Variants in EYA4 observed in about 807,000 individuals in gnomAD.
EYA4 encodes protein phosphatase EYA4.
A neutral mutation model predicts 87.9 loss-of-function variants in EYA4; 31 were observed. The observed-to-expected ratio is 0.35, with a 90% CI of 0.27 to 0.48. The LOEUF (loss-of-function observed/expected upper bound fraction) is 0.48, where lower values mean the gene tolerates loss of function less well. Among genes scored for constraint, EYA4 ranks in the 20% least tolerant of loss-of-function variants. The pLI is 0.99. For missense variants in EYA4, 678 were observed against 761.4 expected, an observed-to-expected ratio of 0.89 and a Z score of 1.29; for synonymous variants, 263 against 270.6, an observed-to-expected ratio of 0.97 and a Z score of 0.28.
chr6:133,304,475 C>T (rs1188501201), intron 2 of EYA4, among the ~76,000 whole-genome samples: 2 of 152,116 alleles, frequency 1.3e-5, no homozygotes, highest in African/African-American at 4.8e-5. Context: ...AAAATTTAGA[C>T]TGAAGGGCTG....
At chr6:133,372,982 C>T (rs545212378) in intron 2 of EYA4, among the ~76,000 whole-genome samples, 120 of 151,958 alleles carry the variant, frequency 7.9e-4, no homozygotes, top group African/African-American at 2.5e-3. Flanking sequence ...CAGACATACG[C>T]ACACAGATAA....
At chr6:133,523,590 G>GA (rs1165457108) in intron 18 of EYA4, among the ~76,000 whole-genome samples, 2 of 151,946 alleles carry the variant, frequency 1.3e-5, no homozygotes, top group Non-Finnish European at 2.9e-5. Context: ...CTTAATTACA[G>GA]AAAAAAATTA....
At chr6:133,486,976 G>A (rs893792003) in intron 13 of EYA4, among the ~76,000 whole-genome samples, 1 of 151,966 alleles carries the variant, frequency 6.6e-6, no homozygotes, top group Non-Finnish European at 1.5e-5. Context: ...TACTGAAGGA[G>A]GCACTGAAGA....
chr6:133,439,345 T>G (rs564204226), intron 3 of EYA4: 1 of 152,350 alleles, frequency 6.6e-6, no homozygotes, highest in South Asian at 2.1e-4. Context: ...ATTTCACAGC[T>G]GTTTCTAAGA....
intron 13 of EYA4, among the ~76,000 whole-genome samples, chr6:133,491,735 A>C (rs1040574230): frequency 2.6e-5 from 4 of 151,990 alleles, no homozygotes; most frequent in Admixed American, 1.3e-4. Flanking sequence ...GCAGATCACG[A>C]GGTCAGGAGA....
rs1239001398 is a variant in EYA4, at chr6:133,274,613, A to G, written c.-65-103A>G. 13 of 640,768 alleles carry G rather than the reference A, an allele frequency of 2.0e-5. No homozygotes were observed. In the Middle Eastern group the frequency reaches 8.5e-4, roughly 42 times the overall value. The allele number at this position is 640,768 out of a possible 1,614,324, so 39.7% of individuals were successfully genotyped here. A position where few individuals can be genotyped will look rare whatever the true frequency, so the allele number is the denominator to read the frequency against. ...ATTTTCTTCTTGAGAGAATGCTCCT[A>G]CAAGTTACTAATTACCATGCTATGT... On this transcript the variant is annotated intron_variant, in intron 1 of 19. Coordinates refer to ENST00000355286, the MANE Select transcript of EYA4 (RefSeq NM_004100.5).
At chr6:133,339,977 A>G (rs1439793482) in intron 2 of EYA4, among the ~76,000 whole-genome samples, 1 of 152,286 alleles carries the variant, frequency 6.6e-6, no homozygotes, top group Admixed American at 6.5e-5. Flanking sequence ...AAAAACAACA[A>G]GTAGGTTTGG....
chr6:133,355,644 G>A (rs570939754), intron 2 of EYA4, among the ~76,000 whole-genome samples: 4 of 152,272 alleles, frequency 2.6e-5, no homozygotes, highest in African/African-American at 9.6e-5. Context: ...TGTCCTCATT[G>A]ATTGCTATAT....
chr6:133,387,932 G>A (rs746430539), intron 3 of EYA4, among the ~76,000 whole-genome samples: 11 of 152,142 alleles, frequency 7.2e-5, no homozygotes, highest in Non-Finnish European at 1.6e-4. Flanking sequence ...GATTCCTGCA[G>A]ATATGGATGC....
intron 6 of EYA4, among the ~76,000 whole-genome samples, chr6:133,457,189 G>A (rs940031354): frequency 1.3e-5 from 2 of 152,096 alleles, no homozygotes; most frequent in South Asian, 2.1e-4. Context: ...GAGAGCGCTC[G>A]AATGCTTCAA....
At chr6:133,503,533 T>G (rs1798320364) in intron 13 of EYA4, among the ~76,000 whole-genome samples, 1 of 152,186 alleles carries the variant, frequency 6.6e-6, no homozygotes, top group Non-Finnish European at 1.5e-5. Flanking sequence ...TTTATTGTCT[T>G]GCATCAGTGA....
chr6:133,249,109 A>G (rs1213635821), intron 1 of EYA4, among the ~76,000 whole-genome samples: 3 of 152,142 alleles, frequency 2.0e-5, no homozygotes, highest in Non-Finnish European at 4.4e-5. Flanking sequence ...GCAAAATTAG[A>G]GTGGGATGGA....
chr6:133,511,969 A>C (rs1799186526), intron 14 of EYA4, among the ~76,000 whole-genome samples: 1 of 146,132 alleles, frequency 6.8e-6, no homozygotes. Context: ...CGACTAAGTG[A>C]GATTCCATAT....
At chr6:133,506,386 C>T in intron 14 of EYA4, 191 bp downstream of exon 14, 3 of 502,890 alleles carry the variant, frequency 6.0e-6, no homozygotes. Context: ...ATGAATAATA[C>T]ATATGTAGAA....
At chr6:133,457,897 A>T (rs936408420) in intron 6 of EYA4, among the ~76,000 whole-genome samples, 1 of 152,128 alleles carries the variant, frequency 6.6e-6, no homozygotes, top group Admixed American at 6.6e-5. Context: ...AAGCTGAATG[A>T]CAAAACTATA....
chr6:133,284,885 C>T (rs1055573376), intron 2 of EYA4, among the ~76,000 whole-genome samples: 4 of 151,860 alleles, frequency 2.6e-5, no homozygotes, highest in Admixed American at 2.6e-4. Context: ...TATAGTATGT[C>T]AGATAGTAAT....
At chr6:133,492,494 A>G (rs964728480) in intron 13 of EYA4, among the ~76,000 whole-genome samples, 3 of 152,232 alleles carry the variant, frequency 2.0e-5, no homozygotes, top group African/African-American at 7.2e-5. Flanking sequence ...CCTGCAGCTG[A>G]TATCACACAG....
intron 3 of EYA4, among the ~76,000 whole-genome samples, chr6:133,399,472 A>G (rs754238265): frequency 6.6e-6 from 1 of 152,168 alleles, no homozygotes; most frequent in Non-Finnish European, 1.5e-5. Flanking sequence ...ACAGGTTGAT[A>G]CAAGCTGTTG....
In EYA4 at chr6:133,257,256, G is replaced by A. The variant is rs78378874; in HGVS notation, c.-66+15507G>A. ...TAGAATGCCAGAAACCAATGAATAC[G>A]CTAGAGGCCTTCAAAACTGTGCCCA... On this transcript the variant is annotated intron_variant, in intron 1 of 19. Coordinates refer to ENST00000355286, the MANE Select transcript of EYA4 (RefSeq NM_004100.5). Among the ~76,000 whole-genome samples the A allele has an allele frequency of 7.2e-5, 11 of 152,150 alleles. No individual in the cohort carries two copies. In the East Asian group the frequency reaches 2.1e-3, roughly 29 times the overall value.
Sources: allele counts gnomAD v4.1 joint callset (sites outside exome capture counted in the v4.1 genomes callset), GRCh38; gene constraint gnomAD v4.1.1; transcripts MANE v1.5; gene names NCBI Gene and HGNC (gene_info 2026-07-23, HGNC 2026-07-21).